Variants in MARCHF1 observed in about 807,000 individuals in gnomAD.
MARCHF1 encodes membrane associated ring-CH-type finger 1.
MARCHF1 carries 40 observed loss-of-function variants against 54.2 expected under a neutral mutation model. The ratio of observed to expected loss-of-function variants is 0.74; its 90% confidence interval spans 0.57 to 0.96. The LOEUF (loss-of-function observed/expected upper bound fraction) is 0.96. Ranked by LOEUF, MARCHF1 falls within the 40% of genes least tolerant of loss-of-function variation. The probability of loss-of-function intolerance (pLI) is 0.00; values close to 1 mark genes in which losing one functional copy is unlikely to be tolerated. For synonymous variants in MARCHF1, 236 were observed against 236.3 expected, an observed-to-expected ratio of 1.00 and a Z score of 0.01; for missense variants, 586 against 656.5, an observed-to-expected ratio of 0.89 and a Z score of 1.17.
chr4:164,094,367 A>G (rs1755365008), intron 2 of MARCHF1, among the ~76,000 whole-genome samples: 1 of 152,186 alleles, frequency 6.6e-6, no homozygotes, highest in Non-Finnish European at 1.5e-5. Flanking sequence ...TGACAGGGAC[A>G]ATAGAGAATT....
intron 8 of MARCHF1, among the ~76,000 whole-genome samples, chr4:163,555,095 G>GA (rs1739239667): frequency 1.3e-5 from 2 of 152,152 alleles, no homozygotes; most frequent in Non-Finnish European, 2.9e-5. Flanking sequence ...GATATGAATG[G>GA]AAAAAAGAGA....
At chr4:164,236,271 T>A (rs977407680) in intron 1 of MARCHF1, among the ~76,000 whole-genome samples, 1 of 152,116 alleles carries the variant, frequency 6.6e-6, no homozygotes, top group African/African-American at 2.4e-5. Context: ...AACATTTCCA[T>A]TAATAAATCA....
intron 7 of MARCHF1, among the ~76,000 whole-genome samples, chr4:163,588,881 T>C (rs923289889): frequency 6.6e-6 from 1 of 152,132 alleles, no homozygotes; most frequent in African/African-American, 2.4e-5. Context: ...CACGTGATTC[T>C]GAGTTAAAGA....
intron 1 of MARCHF1, among the ~76,000 whole-genome samples, chr4:164,142,079 G>A (rs535223861): frequency 1.3e-5 from 2 of 152,180 alleles, no homozygotes; most frequent in African/African-American, 4.8e-5. Flanking sequence ...CTGGAAAATC[G>A]TGTCACTCCC....
chr4:163,548,011 C>A (rs559507704), intron 8 of MARCHF1, among the ~76,000 whole-genome samples: 26 of 152,232 alleles, frequency 1.7e-4, no homozygotes, highest in African/African-American at 5.8e-4. Context: ...AATTTAGACT[C>A]TATTTTGAAT....
intron 2 of MARCHF1, among the ~76,000 whole-genome samples, chr4:163,998,556 T>C (rs1753124386): frequency 6.6e-6 from 1 of 151,904 alleles, no homozygotes; most frequent in South Asian, 2.1e-4. Context: ...AACATATTGT[T>C]ATTAACTATA....
intron 1 of MARCHF1, among the ~76,000 whole-genome samples, chr4:164,151,458 C>T (rs1322568366): frequency 6.6e-6 from 1 of 152,090 alleles, no homozygotes; most frequent in Non-Finnish European, 1.5e-5. Context: ...AATAGAGGTG[C>T]TTTTTAATGT....
chr4:163,529,264 A>AT (rs759315681), intron 9 of MARCHF1, among the ~76,000 whole-genome samples: 3 of 152,054 alleles, frequency 2.0e-5, no homozygotes, highest in Non-Finnish European at 2.9e-5. Context: ...ATATCAGGAC[A>AT]TTTTCTCACC....
intron 7 of MARCHF1, among the ~76,000 whole-genome samples, chr4:163,600,155 T>C (rs148932505): frequency 6.6e-6 from 1 of 152,166 alleles, no homozygotes; most frequent in African/African-American, 2.4e-5. Context: ...CATATATCTA[T>C]TTATATACAC....
intron 1 of MARCHF1, among the ~76,000 whole-genome samples, chr4:164,327,989 G>T (rs1735326548): frequency 6.6e-6 from 1 of 152,146 alleles, no homozygotes; most frequent in Non-Finnish European, 1.5e-5. Context: ...TCCCAGGAGA[G>T]ATATTTGGGC....
intron 3 of MARCHF1, among the ~76,000 whole-genome samples, chr4:163,910,855 G>A (rs751711275): frequency 1.1e-4 from 16 of 152,146 alleles, no homozygotes; most frequent in Non-Finnish European, 2.1e-4. Flanking sequence ...GACAGTTTGA[G>A]TTACCACTAA....
At chr4:163,900,895 A>G (rs1750925487) in intron 3 of MARCHF1, among the ~76,000 whole-genome samples, 1 of 152,198 alleles carries the variant, frequency 6.6e-6, no homozygotes, top group Admixed American at 6.5e-5. Context: ...TCATTTAACA[A>G]TTAACATTTT....
At chr4:164,082,143 A>G (rs1172339722) in intron 2 of MARCHF1, among the ~76,000 whole-genome samples, 3 of 152,180 alleles carry the variant, frequency 2.0e-5, no homozygotes, top group Non-Finnish European at 4.4e-5. Context: ...ATGCAAATAC[A>G]TGTTCACTGT....
At chr4:164,286,483 C>T (rs538646944) in intron 1 of MARCHF1, among the ~76,000 whole-genome samples, 5 of 151,724 alleles carry the variant, frequency 3.3e-5, no homozygotes, top group Admixed American at 2.0e-4. Context: ...ATTATTTTCA[C>T]AAAATAATAT....
chr4:163,577,641 G>C (rs1740084425), intron 8 of MARCHF1, among the ~76,000 whole-genome samples: 1 of 151,958 alleles, frequency 6.6e-6, no homozygotes, highest in Admixed American at 6.6e-5. Flanking sequence ...GCAAGATTAG[G>C]GGAATTTTCT....
chr4:163,679,239 C>T (rs1392188700), intron 5 of MARCHF1, among the ~76,000 whole-genome samples: 1 of 152,132 alleles, frequency 6.6e-6, no homozygotes, highest in African/African-American at 2.4e-5. Context: ...CAACAGATCA[C>T]TAGATTTTTC....
At chr4:163,574,013 T>C (rs1739942901) in intron 8 of MARCHF1, among the ~76,000 whole-genome samples, 2 of 152,094 alleles carry the variant, frequency 1.3e-5, no homozygotes. Context: ...TTCTAACTGG[T>C]GTGAGATGAT....
intron 5 of MARCHF1, among the ~76,000 whole-genome samples, chr4:163,638,377 T>C (rs1049696757): frequency 3.3e-5 from 5 of 152,006 alleles, no homozygotes; most frequent in African/African-American, 1.2e-4. Context: ...AGTGAGTTCA[T>C]GTGAGATCCA....
intron 2 of MARCHF1, among the ~76,000 whole-genome samples, chr4:164,090,709 A>C (rs1218627712): frequency 6.6e-6 from 1 of 152,146 alleles, no homozygotes; most frequent in Non-Finnish European, 1.5e-5. Flanking sequence ...TCTTATTGAG[A>C]TAAGAATCTT....
Sources: allele counts gnomAD v4.1 joint callset (sites outside exome capture counted in the v4.1 genomes callset), GRCh38; gene constraint gnomAD v4.1.1; transcripts MANE v1.5; gene names NCBI Gene and HGNC (gene_info 2026-07-23, HGNC 2026-07-21).